Variants in NRXN1 observed in about 807,000 individuals in gnomAD.
The protein encoded by NRXN1 is neurexin-1.
In NRXN1, 39 loss-of-function variants were observed where a neutral mutation model predicts 150.9. The ratio of observed to expected loss-of-function variants is 0.26; its 90% CI spans 0.20 to 0.34. NRXN1 has a LOEUF of 0.34. NRXN1 is among the 10% of genes least tolerant of loss of function. NRXN1 has a pLI of 1.00. For synonymous variants in NRXN1, 924 were observed against 757.0 expected (o/e 1.22, Z -3.62); for missense variants, 1,815 against 1,949.9 (o/e 0.93, Z 1.30).
chr2:50,970,728 T>C (rs545992291), intron 2 of NRXN1, among the ~76,000 whole-genome samples: 18 of 152,196 alleles, frequency 1.2e-4, no homozygotes, highest in Admixed American at 9.2e-4. Flanking sequence ...CAGAGGGTCG[T>C]TATGTTTAAA....
intron 18 of NRXN1, among the ~76,000 whole-genome samples, chr2:50,135,317 G>C (rs1223427716): frequency 6.6e-6 from 1 of 152,212 alleles, no homozygotes; most frequent in Non-Finnish European, 1.5e-5. Context: ...GAGGAGAATA[G>C]ACGAAAGGTT....
At chr2:50,019,838 C>A (rs1416860605) in intron 21 of NRXN1, among the ~76,000 whole-genome samples, 1 of 148,582 alleles carries the variant, frequency 6.7e-6, no homozygotes. Flanking sequence ...GTCCCAGCTA[C>A]TCCGGAGGCT....
chr2:50,702,088 TACA>T (rs762776621), intron 5 of NRXN1, among the ~76,000 whole-genome samples: 33 of 152,122 alleles, frequency 2.2e-4, no homozygotes, highest in Non-Finnish European at 4.4e-4. Flanking sequence ...AAATAAGACC[TACA>T]GGTATTCGAA....
At chr2:50,358,557 CT>C (rs1351482335) in intron 17 of NRXN1, among the ~76,000 whole-genome samples, 1 of 152,308 alleles carries the variant, frequency 6.6e-6, no homozygotes, top group South Asian at 2.1e-4. Context: ...CAGGACATCT[CT>C]GAAAAAAAGA....
intron 8 of NRXN1, among the ~76,000 whole-genome samples, chr2:50,590,606 T>C (rs572200771): frequency 9.2e-5 from 14 of 152,248 alleles, no homozygotes; most frequent in African/African-American, 3.4e-4. Flanking sequence ...TGATGGGGCC[T>C]TTAGGAAGTG....
chr2:49,978,521 C>A (rs1679398318), intron 21 of NRXN1, among the ~76,000 whole-genome samples: 2 of 152,072 alleles, frequency 1.3e-5, no homozygotes, highest in South Asian at 4.1e-4. Flanking sequence ...CACTGTCAGG[C>A]CTGTGGTGTT....
At chr2:50,553,665 G>C (rs1667835147) in intron 8 of NRXN1, among the ~76,000 whole-genome samples, 1 of 152,228 alleles carries the variant, frequency 6.6e-6, no homozygotes, top group Non-Finnish European at 1.5e-5. Flanking sequence ...ATGTGGCACT[G>C]CCACATGTAG....
At chr2:50,430,938 G>A (rs1263338462) in intron 17 of NRXN1, among the ~76,000 whole-genome samples, 2 of 152,070 alleles carry the variant, frequency 1.3e-5, no homozygotes, top group Non-Finnish European at 2.9e-5. Context: ...ATACACTAAT[G>A]CCTCATCCAC....
In NRXN1 at chr2:49,920,519, G is replaced by A. The variant is rs1197552109; in HGVS notation, c.*1425C>T. On this transcript the variant is annotated 3_prime_UTR_variant, in exon 23 of 23. Transcript: ENST00000401669. ...TGATAAGGAAAGGTTCATTTCTTTA[G>A]GGACTAAAATCTTCTTAAGGTTACC... 4.6e-5 allele frequency: 7 copies of A among 152,488 alleles called. No individual in the cohort carries two copies. The highest frequency in any genetic ancestry group is 4.6e-4 in the Admixed American group (7 of 15,260). The allele number at this position is 152,488 out of a possible 1,614,324, so 9.4% of individuals were successfully genotyped here.
chr2:50,874,168 G>C (rs185850978), intron 5 of NRXN1, among the ~76,000 whole-genome samples: 2 of 151,916 alleles, frequency 1.3e-5, no homozygotes, highest in African/African-American at 4.8e-5. Flanking sequence ...TGCAAAGAAT[G>C]ACTCTCTTGT....
At chr2:50,536,676 T>C (rs971837993) in intron 10 of NRXN1, among the ~76,000 whole-genome samples, 2 of 152,160 alleles carry the variant, frequency 1.3e-5, no homozygotes, top group African/African-American at 4.8e-5. Flanking sequence ...AAACCTTAAA[T>C]CGTGCAAGTC....
chr2:50,180,587 C>A (rs1484379298), intron 18 of NRXN1, among the ~76,000 whole-genome samples: 1 of 151,946 alleles, frequency 6.6e-6, no homozygotes, highest in East Asian at 1.9e-4. Flanking sequence ...AGGGTTCTGC[C>A]CCTCTGCTCT....
chr2:50,136,253 G>A (rs1180703196), intron 18 of NRXN1, among the ~76,000 whole-genome samples: 4 of 151,942 alleles, frequency 2.6e-5, no homozygotes, highest in Non-Finnish European at 4.4e-5. Context: ...TACGCCAAGA[G>A]AAAAAATAAA....
At chr2:50,715,755 T>C (rs147534220) in intron 5 of NRXN1, among the ~76,000 whole-genome samples, 182 of 152,266 alleles carry the variant, frequency 1.2e-3, no homozygotes, top group African/African-American at 4.3e-3. Flanking sequence ...CTATCCATCC[T>C]TTAAGTCCCA....
At chr2:50,060,813 CATGA>C (rs1694412099) in intron 19 of NRXN1, among the ~76,000 whole-genome samples, 1 of 152,186 alleles carries the variant, frequency 6.6e-6, no homozygotes, top group African/African-American at 2.4e-5. Context: ...GTCTTTCTGA[CATGA>C]ATGTGAGGCC....
intron 8 of NRXN1, among the ~76,000 whole-genome samples, chr2:50,598,362 A>G (rs149674848): frequency 1.2e-4 from 19 of 152,138 alleles, no homozygotes; most frequent in African/African-American, 4.6e-4. Flanking sequence ...GCAGCCTTGG[A>G]AAAGTTACTT....
intron 2 of NRXN1, among the ~76,000 whole-genome samples, chr2:50,950,077 C>T (rs1194131789): frequency 1.3e-5 from 2 of 152,128 alleles, no homozygotes. Flanking sequence ...GGAACTATCT[C>T]CTGGCCTGAT....
At chr2:50,776,027 T>C (rs1703590082) in intron 5 of NRXN1, among the ~76,000 whole-genome samples, 1 of 152,266 alleles carries the variant, frequency 6.6e-6, no homozygotes. Flanking sequence ...TATATTACTG[T>C]GGACCCAAAG....
chr2:50,524,975 G>A (rs2092905995), intron 12 of NRXN1, among the ~76,000 whole-genome samples: 1 of 152,130 alleles, frequency 6.6e-6, no homozygotes, highest in African/African-American at 2.4e-5. Context: ...CTCTGAGATT[G>A]ACATTAGGCT....
Sources: allele counts gnomAD v4.1 joint callset (sites outside exome capture counted in the v4.1 genomes callset), GRCh38; gene constraint gnomAD v4.1.1; transcripts MANE v1.5; gene names NCBI Gene and HGNC (gene_info 2026-07-23, HGNC 2026-07-21).